Variants in NRXN3 observed in about 807,000 individuals in gnomAD.
The protein encoded by NRXN3 is neurexin 3.
Under a neutral mutation model 137.6 loss-of-function variants are expected in NRXN3, and 32 were observed. The ratio of observed to expected loss-of-function variants is 0.23; its 90% CI spans 0.18 to 0.31. The LOEUF (loss-of-function observed/expected upper bound fraction) is 0.31, where lower values mean the gene tolerates loss of function less well. NRXN3 is among the 10% of genes least tolerant of loss of function. The probability of loss-of-function intolerance (pLI) is 1.00; values close to 1 mark genes in which losing one functional copy is unlikely to be tolerated. For missense variants in NRXN3, 1,574 were observed against 2,062.5 expected (o/e 0.76, Z 4.59); for synonymous variants, 798 against 784.5 (o/e 1.02, Z -0.29).
At position 79,459,019 on chromosome 14, in the gene NRXN3, T is replaced by C. The variant is rs186581443; in HGVS notation, c.3263-8202T>C. On this transcript the variant is annotated intron_variant, in intron 15 of 20. Transcript: ENST00000335750. Reference sequence around the variant, plus strand: ...ATTTTGGCCACATATTAGAAAGCCATTGTCCTTCTTTCCATCATCATCAGG... The same window carrying C: ...ATTTTGGCCACATATTAGAAAGCCACTGTCCTTCTTTCCATCATCATCAGG... Among the ~76,000 whole-genome samples the C allele has an allele frequency of 4.2e-3, 635 of 152,248 alleles. 4 individuals are homozygous for C. Among genetic ancestry groups the C allele is most frequent in the Non-Finnish European group, 4.9e-3 (333 of 67,972 alleles).
intron 15 of NRXN3, among the ~76,000 whole-genome samples, chr14:79,194,401 G>C (rs1451429986): frequency 6.6e-6 from 1 of 152,190 alleles, no homozygotes; most frequent in African/African-American, 2.4e-5. Flanking sequence ...GAACATATTT[G>C]GTGTTGCACT....
rs1409965478 is a variant in NRXN3, at chr14:79,094,977, A to AGTGTGTGT, written c.3262+106837_3262+106838insTGTGTGTG. The stretch of plus-strand genomic sequence containing the variant: ...GAGAGAGAGAGAGAGAGAGAGAGAG[A>AGTGTGTGT]GAGTGTGTGTGTGTGTGTGTGTGTG... On this transcript the variant is annotated intron_variant, in intron 15 of 20. Transcript: ENST00000335750. Among the ~76,000 whole-genome samples, 1,559 of 99,446 alleles carry AGTGTGTGT rather than the reference A, an allele frequency of 0.016. 18 individuals carry two copies. The East Asian group carries it at 0.18, about 11-fold the overall frequency. 65.2% of individuals were successfully genotyped at this position (99,446 alleles called of 152,430 possible). A position where few individuals can be genotyped will look rare whatever the true frequency, so the allele number is the denominator to read the frequency against.
chr14:78,812,086 ATAATT>A (rs1488552676), intron 10 of NRXN3, among the ~76,000 whole-genome samples: 1 of 152,178 alleles, frequency 6.6e-6, no homozygotes, highest in Admixed American at 6.5e-5. Context: ...TTTAAGGATG[ATAATT>A]AAACTTATAA....
intron 10 of NRXN3, among the ~76,000 whole-genome samples, chr14:78,882,256 C>A (rs183245151): frequency 8.6e-5 from 13 of 151,864 alleles, no homozygotes; most frequent in Middle Eastern, 3.4e-3. Context: ...GGAGCCCCCA[C>A]ACGGAGTCCC....
intron 10 of NRXN3, among the ~76,000 whole-genome samples, chr14:78,858,169 T>C (rs1189119132): frequency 2.0e-5 from 3 of 152,082 alleles, no homozygotes; most frequent in Non-Finnish European, 4.4e-5. Context: ...AGAAGGTGAG[T>C]GACAGGCCGG....
chr14:78,618,927 T>G (rs2097371922), intron 4 of NRXN3, among the ~76,000 whole-genome samples: 1 of 152,234 alleles, frequency 6.6e-6, no homozygotes, highest in South Asian at 2.1e-4. Flanking sequence ...TTTTGCTTCT[T>G]TCTTTGTCCT....
chr14:79,610,537 G>A (rs2098086168), intron 16 of NRXN3, among the ~76,000 whole-genome samples: 1 of 152,192 alleles, frequency 6.6e-6, no homozygotes, highest in African/African-American at 2.4e-5. Context: ...CTAAACCTGT[G>A]TCACTTTATT....
intron 11 of NRXN3, among the ~76,000 whole-genome samples, chr14:78,961,072 A>G (rs923926748): frequency 3.4e-5 from 5 of 147,860 alleles, no homozygotes; most frequent in African/African-American, 1.3e-4. Context: ...TATACCACAT[A>G]CTTACACACT....
At chr14:79,474,369 C>A (rs762054115) in intron 16 of NRXN3, among the ~76,000 whole-genome samples, 6 of 152,104 alleles carry the variant, frequency 3.9e-5, no homozygotes, top group African/African-American at 7.2e-5. Flanking sequence ...ATTAGAGAAA[C>A]ATATATAGAA....
rs554610791 is a variant in NRXN3, at chr14:79,157,574, G to A, written c.3262+169433G>A. Among the ~76,000 whole-genome samples, 10 of 151,948 alleles carry A rather than the reference G, an allele frequency of 6.6e-5. No homozygotes were observed. In the Middle Eastern group the frequency reaches 0.01, roughly 155 times the overall value. On this transcript the variant is annotated intron_variant, in intron 15 of 20. Coordinates refer to ENST00000335750, the MANE Select transcript of NRXN3 (RefSeq NM_001330195.2). Reference sequence around the variant, plus strand: ...TGTCCTGTCATGACATGAGCCAAAAGCTGTCATCCTCATAGATTCCCTGTC... The same window carrying A: ...TGTCCTGTCATGACATGAGCCAAAAACTGTCATCCTCATAGATTCCCTGTC...
intron 4 of NRXN3, among the ~76,000 whole-genome samples, chr14:78,497,030 G>T (rs73320486): frequency 6.6e-6 from 1 of 151,958 alleles, no homozygotes; most frequent in Non-Finnish European, 1.5e-5. Context: ...TCCAGTTTTC[G>T]ATAAGTTATG....
chr14:79,840,975 C>T (rs1178662068), intron 20 of NRXN3, among the ~76,000 whole-genome samples: 2 of 152,180 alleles, frequency 1.3e-5, no homozygotes, highest in Non-Finnish European at 2.9e-5. Flanking sequence ...TGGAAAATTT[C>T]TCAAAGCTTC....
chr14:78,225,803 G>C (rs547813946), intron 1 of NRXN3, among the ~76,000 whole-genome samples: 14 of 152,088 alleles, frequency 9.2e-5, no homozygotes, highest in Non-Finnish European at 2.1e-4. Flanking sequence ...CTGTGGCCGG[G>C]TCTAGCAAAA....
At chr14:78,688,089 TC>T (rs1409317728) in intron 6 of NRXN3, among the ~76,000 whole-genome samples, 1 of 152,190 alleles carries the variant, frequency 6.6e-6, no homozygotes, top group African/African-American at 2.4e-5. Flanking sequence ...GAGATATGAT[TC>T]TTAAGATCGG....
intron 4 of NRXN3, among the ~76,000 whole-genome samples, chr14:78,504,985 C>T (rs1055055421): frequency 6.6e-6 from 1 of 152,100 alleles, no homozygotes; most frequent in Non-Finnish European, 1.5e-5. Flanking sequence ...ATCTCTGAGC[C>T]TTTGCCCTAA....
At chr14:78,184,391 G>C (rs2060057454) in intron 1 of NRXN3, among the ~76,000 whole-genome samples, 1 of 152,218 alleles carries the variant, frequency 6.6e-6, no homozygotes. Flanking sequence ...GCTTTTGGGT[G>C]TAATGAGGCA....
intron 16 of NRXN3, among the ~76,000 whole-genome samples, chr14:79,626,971 A>G (rs1050269775): frequency 1.3e-5 from 2 of 152,212 alleles, no homozygotes; most frequent in Non-Finnish European, 1.5e-5. Flanking sequence ...TAGCTTTCTG[A>G]TCAGAAATCT....
chr14:78,308,649 A>G (rs1207923505), intron 4 of NRXN3, among the ~76,000 whole-genome samples: 1 of 152,118 alleles, frequency 6.6e-6, no homozygotes, highest in Non-Finnish European at 1.5e-5. Context: ...TATGCCTCGC[A>G]AATGCCTGCA....
intron 19 of NRXN3, among the ~76,000 whole-genome samples, chr14:79,753,576 G>A (rs563326881): frequency 2.0e-5 from 2 of 98,694 alleles, no homozygotes; most frequent in Non-Finnish European, 2.0e-5. Flanking sequence ...GTTGTGGGGT[G>A]GGGGGAGGGG....
Sources: allele counts gnomAD v4.1 joint callset (sites outside exome capture counted in the v4.1 genomes callset), GRCh38; gene constraint gnomAD v4.1.1; transcripts MANE v1.5; gene names NCBI Gene and HGNC (gene_info 2026-07-23, HGNC 2026-07-21).